Variants in MFSD8 observed in about 807,000 individuals in gnomAD.
MFSD8 encodes major facilitator superfamily domain containing 8.
Under a neutral mutation model 66.4 loss-of-function variants are expected in MFSD8, and 55 were observed. That is an observed-to-expected ratio of 0.83 (90% CI 0.67 to 1.04). The LOEUF is 1.04. MFSD8 is among the 50% of genes least tolerant of loss of function. The probability of loss-of-function intolerance (pLI) is 0.00; values close to 1 mark genes in which losing one functional copy is unlikely to be tolerated. For missense variants in MFSD8, 550 were observed against 627.6 expected (o/e 0.88, Z 1.32); for synonymous variants, 202 against 212.8 (o/e 0.95, Z 0.44).
intron 2 of MFSD8, among the ~76,000 whole-genome samples, chr4:127,951,818 T>C (rs1742023093): frequency 6.7e-6 from 1 of 149,968 alleles, no homozygotes; most frequent in Non-Finnish European, 1.5e-5. Context: ...AATCTCCGCC[T>C]CCCGGGTTCA....
chr4:127,937,948 G>C (rs1346006328), intron 7 of MFSD8, among the ~76,000 whole-genome samples: 1 of 152,104 alleles, frequency 6.6e-6, no homozygotes, highest in African/African-American at 2.4e-5. Flanking sequence ...TCCGCAAGGA[G>C]GATATAATTA....
intron 11 of MFSD8, chr4:127,921,211 G>A (rs1393781917): frequency 1.7e-6 from 1 of 585,866 alleles, no homozygotes; most frequent in Non-Finnish European, 3.0e-6. Context: ...GTTTAACAAA[G>A]GTAGAAGCTG....
chr4:127,932,938 A>C, intron 8 of MFSD8, 47 bp downstream of exon 8: 2 of 1,517,498 alleles, frequency 1.3e-6, no homozygotes, highest in Non-Finnish European at 1.8e-6. Context: ...TTAAGAAATA[A>C]AGGTTAAAAC....
intron 9 of MFSD8, among the ~76,000 whole-genome samples, chr4:127,922,195 AG>A (rs1736436886): frequency 6.6e-6 from 1 of 152,216 alleles, no homozygotes; most frequent in South Asian, 2.1e-4. Flanking sequence ...CACAGCAAAA[AG>A]CACAGAAGTT....
intron 2 of MFSD8, among the ~76,000 whole-genome samples, chr4:127,950,678 G>GC (rs1229992625): frequency 6.6e-6 from 1 of 151,750 alleles, no homozygotes; most frequent in Non-Finnish European, 1.5e-5. Context: ...GGGTGACAGA[G>GC]CTTGACTCCA....
rs1442515095 is a variant in MFSD8, at chr4:127,942,142, A to G, written c.456T>C (p.Val152=). 1 of 1,612,100 alleles carries G rather than the reference A, an allele frequency of 6.2e-7. No individual in the cohort carries two copies. Among genetic ancestry groups the G allele is most frequent in the Non-Finnish European group, 8.5e-7 (1 of 1,178,378 alleles). ...LGIGAGNVAV[V]RSYTAGATSL... is the part of the protein sequence containing the mutation. ...AAGTAGCACCAGCAGTATATGATCT[A>G]ACAACTGCTACATTTCCTTAAAAAC... Residue 152 remains valine, a synonymous_variant, in exon 5 of 12, where the codon GTT becomes GTC. Transcript: ENST00000641686.
chr4:127,960,638 TATGCCCTATAAGGACAG>T (rs1215780965), intron 1 of MFSD8, among the ~76,000 whole-genome samples: 1 of 152,180 alleles, frequency 6.6e-6, no homozygotes, highest in Admixed American at 6.5e-5. Context: ...TCTATAAAGA[TATGCCCTATAAGGACAG>T]ATGCCCTAAT....
In MFSD8 at chr4:127,920,532, G is replaced by T; in HGVS notation, c.*98C>A. On this transcript the variant is annotated 3_prime_UTR_variant, in exon 12 of 12. Coordinates refer to ENST00000641686, the MANE Select transcript of MFSD8 (RefSeq NM_001371596.2). ...TTCTTCAAAATCTGCAATATCTGTA[G>T]TCTGATTCTTGGAGACTGGCTCACC... 8.6e-7 allele frequency: 1 copy of T among 1,168,380 alleles called. No homozygotes were observed. Among genetic ancestry groups the T allele is most frequent in the Non-Finnish European group, 1.3e-6 (1 of 782,216 alleles). 72.4% of individuals were successfully genotyped at this position (1,168,380 alleles called of 1,614,324 possible).
intron 7 of MFSD8, chr4:127,934,725 A>AT (rs1392973719): frequency 1.3e-5 from 2 of 151,516 alleles, no homozygotes; most frequent in African/African-American, 4.8e-5. Flanking sequence ...GACTACAGCT[A>AT]TTTTTGTATT....
At chr4:127,954,164 T>A (rs1336585261) in intron 2 of MFSD8, among the ~76,000 whole-genome samples, 3 of 152,210 alleles carry the variant, frequency 2.0e-5, no homozygotes, top group Non-Finnish European at 4.4e-5. Context: ...GTTTAATATT[T>A]TGAAAAGTTT....
intron 8 of MFSD8, among the ~76,000 whole-genome samples, chr4:127,931,276 C>A (rs1431845085): frequency 6.6e-6 from 1 of 152,084 alleles, no homozygotes; most frequent in Non-Finnish European, 1.5e-5. Flanking sequence ...CTTTATATGA[C>A]TATATCCTTC....
chr4:127,934,274 C>T (rs1020232906), intron 7 of MFSD8, among the ~76,000 whole-genome samples: 2 of 151,842 alleles, frequency 1.3e-5, no homozygotes, highest in Admixed American at 6.6e-5. Flanking sequence ...AATTAGTATT[C>T]GTAAAGATCC....
chr4:127,963,345 A>G (rs781674488), intron 1 of MFSD8, among the ~76,000 whole-genome samples: 12 of 152,214 alleles, frequency 7.9e-5, no homozygotes, highest in Middle Eastern at 3.2e-3. Context: ...CAAAGGGCCA[A>G]ATATGGAATG....
At chr4:127,954,945 C>T (rs1396862350) in intron 2 of MFSD8, among the ~76,000 whole-genome samples, 1 of 152,144 alleles carries the variant, frequency 6.6e-6, no homozygotes, top group African/African-American at 2.4e-5. Context: ...ATCTCATCCA[C>T]TAGGATGACT....
intron 9 of MFSD8, among the ~76,000 whole-genome samples, chr4:127,924,307 T>C (rs1047870834): frequency 3.3e-5 from 5 of 152,210 alleles, no homozygotes; most frequent in African/African-American, 1.2e-4. Flanking sequence ...TAGAGAATAC[T>C]GTGGTATTCT....
intron 7 of MFSD8, among the ~76,000 whole-genome samples, chr4:127,938,527 G>C (rs1418198245): frequency 6.7e-6 from 1 of 150,030 alleles, no homozygotes; most frequent in Non-Finnish European, 1.5e-5. Context: ...AGCTTGCAGT[G>C]AGCAGAGATC....
intron 7 of MFSD8, chr4:127,933,451 C>G (rs555256088): frequency 1.0e-5 from 2 of 196,136 alleles, no homozygotes; most frequent in Non-Finnish European, 2.1e-5. Context: ...ATCATGCTAC[C>G]CAGTCTGGGC....
At chr4:127,930,885 A>G in intron 8 of MFSD8, 68 bp from the exon 9 acceptor site, 3 of 1,406,668 alleles carry the variant, frequency 2.1e-6, no homozygotes, top group Non-Finnish European at 2.9e-6. Flanking sequence ...AGTGAAGTGT[A>G]AGTTTTAATA....
intron 6 of MFSD8, chr4:127,939,296 T>A (rs931263480): frequency 6.4e-6 from 1 of 155,986 alleles, no homozygotes; most frequent in African/African-American, 2.4e-5. Flanking sequence ...TTTCCCCTAC[T>A]TAGCAACATG....
Sources: allele counts gnomAD v4.1 joint callset (sites outside exome capture counted in the v4.1 genomes callset), GRCh38; gene constraint gnomAD v4.1.1; transcripts MANE v1.5; gene names NCBI Gene and HGNC (gene_info 2026-07-23, HGNC 2026-07-21).